Variants in AOPEP observed in about 807,000 individuals in gnomAD.
AOPEP encodes aminopeptidase O.
In AOPEP, 77 loss-of-function variants were observed where a neutral mutation model predicts 98.1. The observed-to-expected ratio is 0.78, with a 90% CI of 0.65 to 0.95. The LOEUF is 0.95. Among genes scored for constraint, AOPEP ranks in the 40% least tolerant of loss-of-function variants. AOPEP has a pLI of 0.00. For synonymous variants in AOPEP, 346 were observed against 365.3 expected (o/e 0.95, Z 0.60); for missense variants, 1,024 against 1,024.7 (o/e 1.00, Z 0.01).
chr9:94,981,913 C>T (rs1481926575), intron 11 of AOPEP, among the ~76,000 whole-genome samples: 1 of 152,116 alleles, frequency 6.6e-6, no homozygotes, highest in Non-Finnish European at 1.5e-5. Context: ...GAAGACTTGC[C>T]TTGTGGTTGG....
chr9:94,932,137 C>A, intron 7 of AOPEP: 1 of 1,008,836 alleles, frequency 9.9e-7, no homozygotes, highest in South Asian at 4.6e-5. Flanking sequence ...TGCATTAAAA[C>A]AAATAAAAAA....
At chr9:94,895,219 T>TAATAAAAAAAAAAAA (rs1204411552) in intron 5 of AOPEP, among the ~76,000 whole-genome samples, 6 of 60,692 alleles carry the variant, frequency 9.9e-5, no homozygotes, top group East Asian at 9.6e-4. Flanking sequence ...TCATCTCTAC[T>TAATAAAAAAAAAAAA]AAAAAAAAAT....
chr9:95,101,999 G>C, the AOPEP span: 3 of 905,002 alleles, frequency 3.3e-6, no homozygotes, highest in Non-Finnish European at 5.2e-6. Context: ...AGGGGCTCTA[G>C]TTTGCAAGGT....
chr9:94,824,313 A>C (rs975188758), intron 5 of AOPEP: 2 of 152,106 alleles, frequency 1.3e-5, no homozygotes, highest in African/African-American at 4.8e-5. Context: ...GCCTCTTTGG[A>C]TACTCTAAGA....
At chr9:94,918,377 G>A (rs1442782480) in intron 5 of AOPEP, among the ~76,000 whole-genome samples, 1 of 152,176 alleles carries the variant, frequency 6.6e-6, no homozygotes, top group African/African-American at 2.4e-5. Context: ...TAGATTGAGG[G>A]AACAGAGGTC....
chr9:94,818,892 G>T (rs1331082761), intron 5 of AOPEP, among the ~76,000 whole-genome samples: 1 of 152,182 alleles, frequency 6.6e-6, no homozygotes, highest in African/African-American at 2.4e-5. Flanking sequence ...CACTCGGGAC[G>T]CTGAGGCAGG....
In AOPEP at chr9:95,040,374, G is replaced by A. The variant is rs149477045; in HGVS notation, c.2116-20320G>A. The stretch of plus-strand genomic sequence containing the variant: ...AGAACTGGAGCGGAAGAAAGGCTGT[G>A]TCCCACGATATGTGATCCTGCTAAT... On this transcript the variant is annotated intron_variant, in intron 13 of 16. Coordinates refer to ENST00000375315, the MANE Select transcript of AOPEP (RefSeq NM_001193329.3). 3.9e-5 allele frequency among the ~76,000 whole-genome samples: 6 copies of A among 152,356 alleles called. No homozygotes were observed. In the East Asian group the frequency reaches 1.2e-3, roughly 29 times the overall value.
intron 14 of AOPEP, among the ~76,000 whole-genome samples, chr9:95,065,968 T>C (rs2133994244): frequency 6.6e-6 from 1 of 152,360 alleles, no homozygotes; most frequent in South Asian, 2.1e-4. Flanking sequence ...GGGTCATGGC[T>C]GTCCCTTTGA....
intron 5 of AOPEP, among the ~76,000 whole-genome samples, chr9:94,853,057 A>G (rs894428): frequency 0.83 from 126,302 of 152,194 alleles, 54,679 homozygotes; most frequent in Non-Finnish European, 0.94. Flanking sequence ...CACAGTACAG[A>G]TATAGAAATG....
rs537581828 is a variant in AOPEP at position 94,905,122 on chromosome 9, G to T, written c.1365-18864G>T. Among the ~76,000 whole-genome samples, 6 of 152,294 alleles carry T rather than the reference G, an allele frequency of 3.9e-5. No individual in the cohort carries two copies. The East Asian group carries it at 9.6e-4, about 24-fold the overall frequency. On this transcript the variant is annotated intron_variant, in intron 5 of 16. Transcript: ENST00000375315. ...TTTGTACAAAAGCACAACAGATATC[G>T]TATTGATGGACACACAAAAAGGGAT...
intron 7 of AOPEP, among the ~76,000 whole-genome samples, chr9:94,940,460 C>T (rs543921797): frequency 1.2e-3 from 190 of 152,046 alleles, no homozygotes; most frequent in Non-Finnish European, 2.5e-3. Flanking sequence ...AAAAATTAGC[C>T]TGGCATGGTG....
intron 4 of AOPEP, among the ~76,000 whole-genome samples, chr9:94,798,905 C>T (rs1233070556): frequency 6.6e-6 from 1 of 152,214 alleles, no homozygotes; most frequent in African/African-American, 2.4e-5. Context: ...GGCACCTTGA[C>T]TCACTCTCTC....
rs75040217 is a variant in AOPEP, at chr9:94,860,156, G to A, written c.1364+59154G>A. ...GCTGAAACCTGAAGGGCAGTGGAACGTGAGCCAGGCCAGGAGTAGGAAGAA... is the reference window on the plus strand; with the variant it reads ...GCTGAAACCTGAAGGGCAGTGGAACATGAGCCAGGCCAGGAGTAGGAAGAA... On this transcript the variant is annotated intron_variant, in intron 5 of 16. Coordinates refer to ENST00000375315, the MANE Select transcript of AOPEP (RefSeq NM_001193329.3). Among the ~76,000 whole-genome samples, 6 of 152,332 alleles carry A rather than the reference G, an allele frequency of 3.9e-5. No homozygotes were observed. The South Asian group carries it at 6.2e-4, about 16-fold the overall frequency.
chr9:95,110,976 G>A, the AOPEP span: 3 of 1,414,918 alleles, frequency 2.1e-6, no homozygotes, highest in East Asian at 2.6e-5. Flanking sequence ...TTTAGTAAGA[G>A]ATGTAAATAA....
At chr9:95,148,077 G>A in the AOPEP span, among the ~76,000 whole-genome samples, 5 of 152,262 alleles carry the variant, frequency 3.3e-5, no homozygotes, top group South Asian at 8.3e-4. Context: ...AATCAGAGCC[G>A]AGACAGCCCT....
chr9:94,892,622 A>G (rs1016387131), intron 5 of AOPEP, among the ~76,000 whole-genome samples: 1 of 152,242 alleles, frequency 6.6e-6, no homozygotes, highest in Admixed American at 6.5e-5. Flanking sequence ...AAAAGAAACC[A>G]TGGAGCAGGT....
chr9:95,085,582 G>A (rs371215811), intron 16 of AOPEP: 14 of 443,916 alleles, frequency 3.2e-5, no homozygotes, highest in South Asian at 9.9e-5. Context: ...GGCAGAGGCC[G>A]TTGCTGACGG....
chr9:95,009,235 G>A (rs576626206), intron 13 of AOPEP, among the ~76,000 whole-genome samples: 2 of 151,800 alleles, frequency 1.3e-5, no homozygotes, highest in African/African-American at 4.8e-5. Flanking sequence ...TTCGTTAGCT[G>A]ATTCAAAGAT....
At chr9:94,894,592 C>A (rs1476494831) in intron 5 of AOPEP, among the ~76,000 whole-genome samples, 1 of 152,108 alleles carries the variant, frequency 6.6e-6, no homozygotes, top group Non-Finnish European at 1.5e-5. Context: ...AACACCAGAC[C>A]CACAGAGTTT....
Sources: allele counts gnomAD v4.1 joint callset (sites outside exome capture counted in the v4.1 genomes callset), GRCh38; gene constraint gnomAD v4.1.1; transcripts MANE v1.5; gene names NCBI Gene and HGNC (gene_info 2026-07-23, HGNC 2026-07-21).